The following MGAT4C variants were observed in gnomAD, a reference collection of about 807,000 sequenced individuals.
The protein encoded by MGAT4C is MGAT4 family member C.
Under a neutral mutation model 40.1 loss-of-function variants are expected in MGAT4C, and 19 were observed. The observed-to-expected ratio is 0.47, with a 90% CI of 0.33 to 0.70. The LOEUF is 0.70. Ranked by LOEUF, MGAT4C falls within the 30% of genes least tolerant of loss-of-function variation. MGAT4C has a pLI of 0.02. For missense variants in MGAT4C, 491 were observed against 563.2 expected, an observed-to-expected ratio of 0.87 and a Z score of 1.30; for synonymous variants, 181 against 187.1, an observed-to-expected ratio of 0.97 and a Z score of 0.27.
chr12:86,717,714 G>A (rs1362211178), intron 2 of MGAT4C, among the ~76,000 whole-genome samples: 2 of 152,050 alleles, frequency 1.3e-5, no homozygotes, highest in African/African-American at 4.8e-5. Context: ...AAAAGTGCAA[G>A]AAATAAACAC....
rs575941391 is a variant in MGAT4C, at chr12:86,020,395, C to T, written c.-7+29279G>A. On this transcript the variant is annotated intron_variant, in intron 2 of 4. Coordinates refer to ENST00000611864, the MANE Select transcript of MGAT4C (RefSeq NM_001351288.2). ...ACTGGTACCAAAACAGAGATATAGA[C>T]CAATGGAACAGAACAGAGCTCTCAG... 3.9e-5 allele frequency among the ~76,000 whole-genome samples: 6 copies of T among 152,170 alleles called. No individual in the cohort carries two copies. The East Asian group carries it at 7.8e-4, about 20-fold the overall frequency.
At chr12:86,835,217 G>T (rs1953013016) in intron 1 of MGAT4C, among the ~76,000 whole-genome samples, 1 of 151,838 alleles carries the variant, frequency 6.6e-6, no homozygotes, top group East Asian at 1.9e-4. Flanking sequence ...TTCAGATGTA[G>T]AATTTTTCAG....
rs551818711 is a variant in MGAT4C at position 86,116,848 on chromosome 12, T to G, written c.-56-67125A>C. Among the ~76,000 whole-genome samples, 17 of 152,262 alleles carry G rather than the reference T, an allele frequency of 1.1e-4. 1 individual carries two copies. The East Asian group carries it at 3.3e-3, about 29-fold the overall frequency. ...TGACATCAATACTTTAGGGACCATT[T>G]TCAATGGATAAATATCAATGCAATT... is the stretch of plus-strand genomic sequence containing the variant. On this transcript the variant is annotated intron_variant, in intron 1 of 4. Coordinates refer to ENST00000611864, the MANE Select transcript of MGAT4C (RefSeq NM_001351288.2).
intron 2 of MGAT4C, among the ~76,000 whole-genome samples, chr12:86,601,915 T>A (rs1173724231): frequency 6.6e-6 from 1 of 152,150 alleles, no homozygotes. Context: ...TGTAACATGC[T>A]GTAATACCCT....
At chr12:86,496,275 T>A (rs1358893229) in intron 2 of MGAT4C, among the ~76,000 whole-genome samples, 3 of 151,944 alleles carry the variant, frequency 2.0e-5, no homozygotes, top group Non-Finnish European at 4.4e-5. Flanking sequence ...TTGATTGGTT[T>A]CCTCCTCAGA....
At chr12:86,500,562 T>C (rs1045429127) in intron 2 of MGAT4C, among the ~76,000 whole-genome samples, 1 of 151,986 alleles carries the variant, frequency 6.6e-6, no homozygotes, top group African/African-American at 2.4e-5. Context: ...CCTTTATTTA[T>C]TAAATACATT....
intron 3 of MGAT4C, among the ~76,000 whole-genome samples, chr12:86,380,721 C>A (rs909712827): frequency 2.6e-5 from 4 of 152,114 alleles, no homozygotes; most frequent in Admixed American, 2.6e-4. Context: ...GAGACATAAT[C>A]CATAAAACCT....
intron 1 of MGAT4C, among the ~76,000 whole-genome samples, chr12:86,105,610 C>A (rs1876014863): frequency 6.6e-6 from 1 of 152,126 alleles, no homozygotes; most frequent in Admixed American, 6.6e-5. Flanking sequence ...AAAACGAATT[C>A]CATACTGTAC....
At chr12:86,453,285 C>T (rs546688480) in intron 2 of MGAT4C, among the ~76,000 whole-genome samples, 115 of 152,096 alleles carry the variant, frequency 7.6e-4, no homozygotes, top group Middle Eastern at 3.4e-3. Flanking sequence ...AGAAAGTATA[C>T]GGTACTCAAA....
chr12:86,486,280 A>G (rs896411013), intron 2 of MGAT4C, among the ~76,000 whole-genome samples: 3 of 152,022 alleles, frequency 2.0e-5, no homozygotes, highest in African/African-American at 7.2e-5. Flanking sequence ...GTCTATGAAA[A>G]GACAAGACCC....
At chr12:86,479,367 A>G (rs1957895278) in intron 2 of MGAT4C, among the ~76,000 whole-genome samples, 1 of 151,980 alleles carries the variant, frequency 6.6e-6, no homozygotes, top group Non-Finnish European at 1.5e-5. Flanking sequence ...AAATCTTCTT[A>G]TGGTTTAAAG....
chr12:86,395,469 G>A (rs757592234), intron 3 of MGAT4C, among the ~76,000 whole-genome samples: 3 of 152,058 alleles, frequency 2.0e-5, no homozygotes, highest in Non-Finnish European at 2.9e-5. Flanking sequence ...TACACTAAGC[G>A]CCTCAGAACT....
chr12:85,986,124 CT>C (rs557294996), intron 3 of MGAT4C, among the ~76,000 whole-genome samples: 296 of 152,264 alleles, frequency 1.9e-3, no homozygotes, highest in African/African-American at 6.8e-3. Context: ...CAGGAACAAG[CT>C]TTTTTATACT....
chr12:86,420,765 T>C (rs1186589301), intron 3 of MGAT4C, among the ~76,000 whole-genome samples: 3 of 148,448 alleles, frequency 2.0e-5, no homozygotes, highest in African/African-American at 7.5e-5. Context: ...CAAGAATAAA[T>C]ATTTACCTGA....
chr12:86,703,555 T>C (rs935811940), intron 2 of MGAT4C, among the ~76,000 whole-genome samples: 2 of 152,176 alleles, frequency 1.3e-5, no homozygotes, highest in African/African-American at 4.8e-5. Context: ...TGGTAGCATT[T>C]TTAGCAATAA....
At chr12:86,617,455 T>C (rs1220938311) in intron 2 of MGAT4C, among the ~76,000 whole-genome samples, 1 of 151,980 alleles carries the variant, frequency 6.6e-6, no homozygotes, top group East Asian at 1.9e-4. Flanking sequence ...ATAAACCACT[T>C]AAAAATAAGA....
chr12:86,722,162 G>T (rs145993385), intron 2 of MGAT4C, among the ~76,000 whole-genome samples: 3 of 152,096 alleles, frequency 2.0e-5, no homozygotes, highest in Non-Finnish European at 4.4e-5. Flanking sequence ...AAGAACTAGA[G>T]AAATGAGGAT....
intron 2 of MGAT4C, among the ~76,000 whole-genome samples, chr12:86,444,862 G>C (rs1957304304): frequency 6.6e-6 from 1 of 152,114 alleles, no homozygotes. Context: ...CAAGAGGAAA[G>C]ATTTATTGAC....
chr12:86,341,684 T>C (rs1169834241), intron 3 of MGAT4C, among the ~76,000 whole-genome samples: 1 of 152,192 alleles, frequency 6.6e-6, no homozygotes, highest in Non-Finnish European at 1.5e-5. Flanking sequence ...CTTCAGGCTT[T>C]GGAGAGCCTG....
Sources: gnomAD v4.1 joint callset for allele counts (sites outside exome capture counted in the v4.1 genomes callset) on GRCh38, gnomAD v4.1.1 for gene constraint, MANE v1.5 for transcripts, NCBI Gene and HGNC (gene_info 2026-07-23, HGNC 2026-07-21) for gene names.